IRAK1BP1: variants seen among roughly 807,000 people sequenced by gnomAD.
IRAK1BP1 encodes the protein interleukin 1 receptor associated kinase 1 binding protein 1.
In IRAK1BP1, 24 loss-of-function variants were observed where a neutral mutation model predicts 28.0. The observed-to-expected ratio is 0.86, with a 90% CI of 0.62 to 1.20. The LOEUF is 1.20. Ranked by LOEUF, IRAK1BP1 falls within the 50% of genes most tolerant of loss-of-function variation. The probability of loss-of-function intolerance (pLI) is 0.00; values close to 1 mark genes in which losing one functional copy is unlikely to be tolerated. For missense variants in IRAK1BP1, 336 were observed against 316.7 expected, an observed-to-expected ratio of 1.06 and a Z score of -0.46; for synonymous variants, 131 against 116.3, an observed-to-expected ratio of 1.13 and a Z score of -0.81.
the IRAK1BP1 span, chr6:78,957,011 T>C: frequency 6.6e-6 from 1 of 152,072 alleles, no homozygotes; most frequent in Non-Finnish European, 1.5e-5. Flanking sequence ...GAATACTTAA[T>C]ATCTTGAAGA....
intron 4 of IRAK1BP1, chr6:78,938,300 A>G (rs1368190001): frequency 1.3e-5 from 2 of 151,658 alleles, no homozygotes; most frequent in East Asian, 3.8e-4. Flanking sequence ...GGAATAATAC[A>G]TTTACATGTT....
At chr6:78,955,109 G>A in the IRAK1BP1 span, 2 of 881,858 alleles carry the variant, frequency 2.3e-6, no homozygotes, top group African/African-American at 3.5e-5. Flanking sequence ...CATACATTTT[G>A]TAATTGAAAC....
Position 78,872,542 on chromosome 6 carries a change from T to C in IRAK1BP1, c.315+4651T>C, listed in dbSNP as rs190842368. ...GAAGTTGTGGATTTGGGAATATTTA[T>C]ATTTTATATGTACCAGTGGAATATT... is the stretch of plus-strand genomic sequence containing the variant. On this transcript the variant is annotated intron_variant, in intron 1 of 3. Transcript: ENST00000369940. Among the ~76,000 whole-genome samples the C allele has an allele frequency of 2.3e-4, 35 of 152,350 alleles. No homozygotes were observed. The East Asian group carries it at 6.4e-3, about 28-fold the overall frequency.
chr6:78,908,973 C>T (rs903586877), intron 4 of IRAK1BP1, among the ~76,000 whole-genome samples: 9 of 152,140 alleles, frequency 5.9e-5, no homozygotes, highest in African/African-American at 2.2e-4. Context: ...GATGATTTGT[C>T]AGCCAGCCTT....
the IRAK1BP1 span, among the ~76,000 whole-genome samples, chr6:78,969,498 C>T: frequency 6.6e-6 from 1 of 152,078 alleles, no homozygotes; most frequent in African/African-American, 2.4e-5. Flanking sequence ...TAGCTTTAGT[C>T]CCAGTACAAA....
rs190559761 is a variant in IRAK1BP1 at position 78,876,048 on chromosome 6, G to C, written c.315+8157G>C. Among the ~76,000 whole-genome samples the C allele has an allele frequency of 3.1e-3, 476 of 152,002 alleles. 3 individuals are homozygous for C. Among genetic ancestry groups the C allele is most frequent in the African/African-American group, 0.011 (442 of 41,430 alleles). On this transcript the variant is annotated intron_variant, in intron 1 of 3. Coordinates refer to ENST00000369940, the MANE Select transcript of IRAK1BP1 (RefSeq NM_001010844.4). ...TGTGCTTCCCTATTGATATGGTTTG[G>C]CTCTGTGTCCCCACCCAAATTTCAT...
chr6:78,970,082 G>A, the IRAK1BP1 span: 4 of 1,613,410 alleles, frequency 2.5e-6, no homozygotes, highest in Non-Finnish European at 3.4e-6. Context: ...CAGTTTACCA[G>A]TATCAGGATC....
intron 4 of IRAK1BP1, among the ~76,000 whole-genome samples, chr6:78,942,148 G>A (rs1168554115): frequency 6.6e-6 from 1 of 152,118 alleles, no homozygotes; most frequent in African/African-American, 2.4e-5. Flanking sequence ...CTTCATAACA[G>A]CATTTTTGGT....
downstream of IRAK1BP1, among the ~76,000 whole-genome samples, chr6:78,905,138 T>C (rs1231285915): frequency 3.3e-5 from 5 of 152,344 alleles, no homozygotes; most frequent in African/African-American, 9.6e-5. Flanking sequence ...TTCAAAATAT[T>C]CAATTATTAA....
the IRAK1BP1 span, among the ~76,000 whole-genome samples, chr6:78,972,624 C>G: frequency 3.9e-5 from 6 of 152,050 alleles, no homozygotes; most frequent in Admixed American, 3.3e-4. Flanking sequence ...AAGTTGAAAA[C>G]TTTGAAAAAA....
Position 78,898,143 on chromosome 6 carries a change from G to A in IRAK1BP1, c.592G>A (p.Gly198Arg). 6.2e-7 allele frequency: 1 copy of A among 1,613,496 alleles called. No individual in the cohort carries two copies. The highest frequency in any genetic ancestry group is 8.5e-7 in the Non-Finnish European group (1 of 1,179,866). The change falls in exon 4 of 4, where the codon GGA becomes AGA. Residue 198 changes from glycine (G) to arginine (R), a missense_variant. Gly to Arg is a moderately radical substitution (Grantham distance 125). Transcript: ENST00000369940. ...EVCNLVGQTL[G>R]KPLLIKEEET... ...CTGTAACCTTGTTGGCCAAACCTTAGGAAAACCTTTACTAATCAAAGAAGA... is the reference window on the plus strand; with the variant it reads ...CTGTAACCTTGTTGGCCAAACCTTAAGAAAACCTTTACTAATCAAAGAAGA...
At chr6:78,869,946 T>TA (rs1490040404) in intron 1 of IRAK1BP1, among the ~76,000 whole-genome samples, 8 of 151,838 alleles carry the variant, frequency 5.3e-5, no homozygotes, top group Non-Finnish European at 8.8e-5. Context: ...TCGTCTCTAC[T>TA]AAAAATACCA....
At chr6:78,909,987 G>A (rs1228109537) in intron 4 of IRAK1BP1, among the ~76,000 whole-genome samples, 1 of 152,180 alleles carries the variant, frequency 6.6e-6, no homozygotes, top group African/African-American at 2.4e-5. Context: ...GGGAAACAAT[G>A]AAAAAGTTCA....
At chr6:78,971,378 C>A in the IRAK1BP1 span, among the ~76,000 whole-genome samples, 1 of 152,214 alleles carries the variant, frequency 6.6e-6, no homozygotes, top group African/African-American at 2.4e-5. Context: ...TGACTACTGT[C>A]TTGGAGAACT....
intron 2 of IRAK1BP1, among the ~76,000 whole-genome samples, chr6:78,888,520 ATTT>A (rs35503114): frequency 7.0e-6 from 1 of 143,856 alleles, no homozygotes. Context: ...TACAGCTCCA[ATTT>A]TTTTTTTTTT....
At chr6:78,927,108 T>A (rs1166029925) in intron 4 of IRAK1BP1, among the ~76,000 whole-genome samples, 1 of 152,156 alleles carries the variant, frequency 6.6e-6, no homozygotes, top group Non-Finnish European at 1.5e-5. Context: ...TTTTTAGTTT[T>A]TTGAGGAACC....
intron 1 of IRAK1BP1, chr6:78,871,616 T>C: frequency 1.2e-6 from 1 of 818,668 alleles, no homozygotes; most frequent in Non-Finnish European, 1.5e-6. Flanking sequence ...AGTATGATGG[T>C]ATTCGGAGGA....
chr6:78,955,398 G>A, the IRAK1BP1 span: 4 of 747,886 alleles, frequency 5.3e-6, no homozygotes, highest in Non-Finnish European at 4.3e-6. Context: ...TGTATATGCT[G>A]GGGCACTTTA....
At chr6:78,961,393 A>G in the IRAK1BP1 span, among the ~76,000 whole-genome samples, 1 of 152,242 alleles carries the variant, frequency 6.6e-6, no homozygotes, top group South Asian at 2.1e-4. Context: ...AATACAATAT[A>G]AAGACAGTGA....
Sources: allele counts gnomAD v4.1 joint callset (sites outside exome capture counted in the v4.1 genomes callset), GRCh38; gene constraint gnomAD v4.1.1; transcripts MANE v1.5; gene names NCBI Gene and HGNC (gene_info 2026-07-23, HGNC 2026-07-21).